The following ACVR1C variants were observed in gnomAD, a reference collection of about 807,000 sequenced individuals.
ACVR1C encodes activin receptor type-1C.
Under a neutral mutation model 57.9 loss-of-function variants are expected in ACVR1C, and 23 were observed. The ratio of observed to expected loss-of-function variants is 0.40; its 90% CI spans 0.29 to 0.56. ACVR1C has a LOEUF of 0.56. Among genes scored for constraint, ACVR1C ranks in the 20% least tolerant of loss-of-function variants. ACVR1C has a pLI of 0.50. For synonymous variants in ACVR1C, 214 were observed against 215.3 expected, an observed-to-expected ratio of 0.99 and a Z score of 0.05; for missense variants, 480 against 607.9, an observed-to-expected ratio of 0.79 and a Z score of 2.21.
intron 3 of ACVR1C, among the ~76,000 whole-genome samples, chr2:157,554,337 GAGAGAAAGAAAGAA>G (rs200988079): frequency 0.023 from 3,181 of 135,560 alleles, 241 homozygotes; most frequent in African/African-American, 0.085. Flanking sequence ...GAAAGAGAAA[GAGAGAAAGAAAGAA>G]AGAGAAAGAA....
intron 7 of ACVR1C, among the ~76,000 whole-genome samples, chr2:157,540,676 AC>A (rs1411038059): frequency 1.3e-5 from 2 of 152,150 alleles, no homozygotes; most frequent in Non-Finnish European, 2.9e-5. Flanking sequence ...CCTTTATCCA[AC>A]CCTACAGTAT....
chr2:157,595,971 G>T (rs1682098685), intron 1 of ACVR1C, among the ~76,000 whole-genome samples: 1 of 152,110 alleles, frequency 6.6e-6, no homozygotes, highest in Non-Finnish European at 1.5e-5. Context: ...CTTTTTAATT[G>T]TATTAGACCC....
intron 1 of ACVR1C, among the ~76,000 whole-genome samples, chr2:157,592,659 A>G (rs1689073649): frequency 6.6e-6 from 1 of 152,120 alleles, no homozygotes; most frequent in African/African-American, 2.4e-5. Flanking sequence ...CCAGTCCACT[A>G]TATCACTGCA....
At chr2:157,608,031 G>A (rs1486020755) in intron 1 of ACVR1C, among the ~76,000 whole-genome samples, 1 of 151,836 alleles carries the variant, frequency 6.6e-6, no homozygotes, top group Non-Finnish European at 1.5e-5. Context: ...TTGAAAAGGA[G>A]TGGTGAGAGT....
At chr2:157,549,877 C>T (rs1477817557) in intron 4 of ACVR1C, among the ~76,000 whole-genome samples, 3 of 147,908 alleles carry the variant, frequency 2.0e-5, no homozygotes, top group Admixed American at 6.7e-5. Context: ...GTGGCGGGCG[C>T]CTGTAGTCCA....
At chr2:157,538,496 T>C in intron 8 of ACVR1C, 77 bp downstream of exon 8, 4 of 1,303,558 alleles carry the variant, frequency 3.1e-6, no homozygotes, top group Non-Finnish European at 4.0e-6. Context: ...GGAAAAACTA[T>C]ATGGTCTCTG....
rs981982893 is a variant in ACVR1C, at chr2:157,527,662, G to A, written c.*6256C>T. 5 of 151,992 alleles carry A rather than the reference G, an allele frequency of 3.3e-5. No individual in the cohort carries two copies. Among genetic ancestry groups the A allele is most frequent in the African/African-American group, 7.3e-5 (3 of 41,378 alleles). 9.4% of individuals were successfully genotyped at this position (151,992 alleles called of 1,614,324 possible). A position where few individuals can be genotyped will look rare whatever the true frequency, so the allele number is the denominator to read the frequency against. ...ACATGAGCTTGACACTAGTCATTGC[G>A]GAAAAGAACTAGAATTTAATATTTT... On this transcript the variant is annotated 3_prime_UTR_variant, in exon 9 of 9. Coordinates refer to ENST00000243349, the MANE Select transcript of ACVR1C (RefSeq NM_145259.3).
At chr2:157,538,528 C>A in intron 8 of ACVR1C, 45 bp downstream of exon 8, 1 of 1,482,306 alleles carries the variant, frequency 6.7e-7, no homozygotes, top group African/African-American at 1.4e-5. Flanking sequence ...CGATACTCAC[C>A]TCAAAAATAT....
chr2:157,628,822 C>T lies in ACVR1C; in HGVS notation c.-178G>A, dbSNP rs977055156. ...CGCCCCCCTCCCCGGCCGCCCCCATCCCACGCCCCCTGCGGCTGGCGGTGC... is the reference window on the plus strand; with the variant it reads ...CGCCCCCCTCCCCGGCCGCCCCCATTCCACGCCCCCTGCGGCTGGCGGTGC... On this transcript the variant is annotated 5_prime_UTR_variant, in exon 1 of 9. Coordinates refer to ENST00000243349, the MANE Select transcript of ACVR1C (RefSeq NM_145259.3). 58 of 407,998 alleles carry T rather than the reference C, an allele frequency of 1.4e-4. No homozygotes were observed. Among genetic ancestry groups the T allele is most frequent in the African/African-American group, 1.1e-3 (52 of 48,054 alleles). The allele number at this position is 407,998 out of a possible 1,614,324, so 25.3% of individuals were successfully genotyped here.
chr2:157,575,221 C>T (rs1204769541), intron 2 of ACVR1C, among the ~76,000 whole-genome samples: 5 of 132,548 alleles, frequency 3.8e-5, no homozygotes, highest in African/African-American at 8.1e-5. Context: ...CTCCGCCTCC[C>T]GGGTTCAAGC....
intron 1 of ACVR1C, among the ~76,000 whole-genome samples, chr2:157,615,558 T>C (rs1682627574): frequency 6.6e-6 from 1 of 152,104 alleles, no homozygotes; most frequent in Non-Finnish European, 1.5e-5. Context: ...TCATTTTTTG[T>C]AAAGACATGG....
At chr2:157,545,529 T>C (rs1687731086) in intron 4 of ACVR1C, among the ~76,000 whole-genome samples, 1 of 152,184 alleles carries the variant, frequency 6.6e-6, no homozygotes, top group Non-Finnish European at 1.5e-5. Context: ...TCTCCCTGAT[T>C]GACACAAGTG....
intron 1 of ACVR1C, among the ~76,000 whole-genome samples, chr2:157,621,645 C>G (rs899608816): frequency 2.6e-5 from 4 of 152,198 alleles, no homozygotes; most frequent in African/African-American, 7.2e-5. Flanking sequence ...CCCGCCACCT[C>G]TTTCCACAGA....
intron 1 of ACVR1C, among the ~76,000 whole-genome samples, chr2:157,601,248 C>T (rs903709625): frequency 1.1e-4 from 17 of 151,804 alleles, no homozygotes; most frequent in Admixed American, 9.2e-4. Context: ...ACCCGGGAGG[C>T]GGAGGTTGCA....
intron 6 of ACVR1C, among the ~76,000 whole-genome samples, chr2:157,541,604 T>A (rs534637476): frequency 6.6e-6 from 1 of 152,324 alleles, no homozygotes; most frequent in South Asian, 2.1e-4. Flanking sequence ...CCTGAAGGAA[T>A]CCAGCATCCA....
intron 1 of ACVR1C, among the ~76,000 whole-genome samples, chr2:157,604,260 T>C (rs1454602391): frequency 2.0e-5 from 3 of 152,044 alleles, no homozygotes; most frequent in African/African-American, 7.2e-5. Context: ...GCCAAACTTA[T>C]ACTACTTTTT....
At chr2:157,603,767 G>T (rs142889321) in intron 1 of ACVR1C, among the ~76,000 whole-genome samples, 4 of 152,038 alleles carry the variant, frequency 2.6e-5, no homozygotes, top group African/African-American at 9.6e-5. Flanking sequence ...ATACCATTTT[G>T]CAGAATGAAG....
At chr2:157,613,252 T>A (rs752367500) in intron 1 of ACVR1C, among the ~76,000 whole-genome samples, 2 of 152,218 alleles carry the variant, frequency 1.3e-5, no homozygotes, top group Non-Finnish European at 2.9e-5. Flanking sequence ...ATTCAAGGTG[T>A]GATTATCTCT....
chr2:157,602,528 T>G (rs1421718453), intron 1 of ACVR1C, among the ~76,000 whole-genome samples: 3 of 152,214 alleles, frequency 2.0e-5, no homozygotes, highest in Non-Finnish European at 4.4e-5. Flanking sequence ...TAAAAATATT[T>G]ATGACATTTG....
Sources: gnomAD v4.1 joint callset for allele counts (sites outside exome capture counted in the v4.1 genomes callset) on GRCh38, gnomAD v4.1.1 for gene constraint, MANE v1.5 for transcripts, NCBI Gene and HGNC (gene_info 2026-07-23, HGNC 2026-07-21) for gene names.